The following STK3 variants were observed in gnomAD, a reference collection of about 807,000 sequenced individuals.
The protein encoded by STK3 is serine/threonine kinase 3, also known as serine/threonine-protein kinase 3.
Under a neutral mutation model 58.0 loss-of-function variants are expected in STK3, and 41 were observed. The ratio of observed to expected loss-of-function variants is 0.71; its 90% CI spans 0.55 to 0.92. The LOEUF (loss-of-function observed/expected upper bound fraction) is 0.92. STK3 is among the 40% of genes least tolerant of loss of function. The pLI is 0.00. For synonymous variants in STK3, 170 were observed against 191.0 expected, an observed-to-expected ratio of 0.89 and a Z score of 0.91; for missense variants, 479 against 602.7, an observed-to-expected ratio of 0.79 and a Z score of 2.15.
intron 6 of STK3, among the ~76,000 whole-genome samples, chr8:98,621,738 A>G (rs1053359127): frequency 6.6e-6 from 1 of 151,974 alleles, no homozygotes; most frequent in Non-Finnish European, 1.5e-5. Context: ...AGCTGTCTGT[A>G]TGTTCTTAAG....
intron 6 of STK3, among the ~76,000 whole-genome samples, chr8:98,663,544 T>C (rs1822121247): frequency 6.6e-6 from 1 of 152,158 alleles, no homozygotes; most frequent in African/African-American, 2.4e-5. Flanking sequence ...AGATTATAAA[T>C]CATGCTGCTA....
At chr8:98,435,673 G>A (rs951055540) in intron 2 of STK3, among the ~76,000 whole-genome samples, 13 of 152,106 alleles carry the variant, frequency 8.5e-5, no homozygotes, top group Admixed American at 5.9e-4. Context: ...TGGTTTCTGG[G>A]TTTCTGGCTG....
chr8:98,418,397 C>T (rs1818135894), intron 3 of STK3, among the ~76,000 whole-genome samples: 1 of 152,190 alleles, frequency 6.6e-6, no homozygotes, highest in African/African-American at 2.4e-5. Context: ...AAACCCAGAG[C>T]CAACTCAGGC....
At chr8:98,813,961 G>T (rs925074349) in intron 1 of STK3, among the ~76,000 whole-genome samples, 1 of 151,862 alleles carries the variant, frequency 6.6e-6, no homozygotes, top group African/African-American at 2.4e-5. Context: ...CACCTATAAG[G>T]CTCATACATT....
intron 6 of STK3, among the ~76,000 whole-genome samples, chr8:98,626,851 A>G (rs547765643): frequency 6.6e-6 from 1 of 152,354 alleles, no homozygotes; most frequent in African/African-American, 2.4e-5. Context: ...TTCCCAAACT[A>G]GAAACTGCAG....
intron 10 of STK3, among the ~76,000 whole-genome samples, chr8:98,477,673 G>GGC (rs1821432933): frequency 7.8e-6 from 1 of 128,514 alleles, no homozygotes; most frequent in Admixed American, 9.0e-5. Context: ...AGGTTTCAAT[G>GGC]GCTAGCCTCG....
At chr8:98,916,524 C>A (rs2131995417) in intron 1 of STK3, among the ~76,000 whole-genome samples, 1 of 152,322 alleles carries the variant, frequency 6.6e-6, no homozygotes, top group South Asian at 2.1e-4. Context: ...ATGGAACAAG[C>A]ACTGTGTCTA....
intron 3 of STK3, among the ~76,000 whole-genome samples, chr8:98,395,663 T>C (rs1681915913): frequency 1.3e-5 from 2 of 152,254 alleles, no homozygotes; most frequent in African/African-American, 4.8e-5. Flanking sequence ...TTTTTTGTTG[T>C]TGTTGGATTT....
intron 10 of STK3, among the ~76,000 whole-genome samples, chr8:98,524,018 T>A (rs904828915): frequency 6.6e-6 from 1 of 152,246 alleles, no homozygotes; most frequent in Non-Finnish European, 1.5e-5. Flanking sequence ...CCATTTTGAA[T>A]TAATTTTTGT....
In STK3 at chr8:98,682,430, C is replaced by T. The variant is rs910068040; in HGVS notation, c.684+24037G>A. 1.1e-4 allele frequency among the ~76,000 whole-genome samples: 17 copies of T among 152,110 alleles called. 1 individual carries two copies. The highest frequency in any genetic ancestry group is 5.2e-4 in the Admixed American group (8 of 15,270). On this transcript the variant is annotated intron_variant, in intron 6 of 10. Transcript: ENST00000419617. ...AGAATGTAAGAGATTCACGAGCATTCCAATTAAAATGGTGACCTTCAGTTT... is the reference window on the plus strand; with the variant it reads ...AGAATGTAAGAGATTCACGAGCATTTCAATTAAAATGGTGACCTTCAGTTT...
At chr8:98,469,770 G>C (rs1314798978) in intron 10 of STK3, among the ~76,000 whole-genome samples, 1 of 152,164 alleles carries the variant, frequency 6.6e-6, no homozygotes, top group Non-Finnish European at 1.5e-5. Flanking sequence ...AAGGAAAAAT[G>C]CATCTTTAAT....
intron 1 of STK3, among the ~76,000 whole-genome samples, chr8:98,940,822 C>A (rs896998687): frequency 6.6e-6 from 1 of 152,202 alleles, no homozygotes; most frequent in Non-Finnish European, 1.5e-5. Flanking sequence ...CCGAAAAATC[C>A]GTCTCAGAAA....
chr8:98,617,311 C>T (rs1452624794), intron 6 of STK3, among the ~76,000 whole-genome samples: 2 of 141,630 alleles, frequency 1.4e-5, no homozygotes, highest in East Asian at 4.1e-4. Flanking sequence ...GCATTCAAAG[C>T]AGTGTGTAGA....
At position 98,921,785 on chromosome 8, in the gene STK3, G is replaced by A. The variant is rs550094526; in HGVS notation, c.-79+20593C>T. 4.8e-4 allele frequency among the ~76,000 whole-genome samples: 73 copies of A among 152,122 alleles called. 1 individual carries two copies. In the South Asian group the frequency reaches 0.014, roughly 29 times the overall value. ...CGGCTCACTGCAACCCCCACCTCCC[G>A]GGTTCAAGCGATTCTCCTGCCTCAG... On this transcript the variant is annotated intron_variant, in intron 1 of 1. Coordinates refer to the STK3 transcript ENST00000519420.
intron 1 of STK3, among the ~76,000 whole-genome samples, chr8:98,808,415 T>C (rs1195343722): frequency 1.3e-5 from 2 of 152,342 alleles, no homozygotes; most frequent in South Asian, 2.1e-4. Flanking sequence ...TTTCCAACCT[T>C]GGAACAGCAG....
chr8:98,413,755 C>G (rs932141675), intron 3 of STK3: 1 of 707,604 alleles, frequency 1.4e-6, no homozygotes, highest in African/African-American at 1.7e-5. Flanking sequence ...TCATGCCTGA[C>G]CCCATGAGAG....
In STK3 at chr8:98,617,725, C is replaced by A. The variant is rs1226759536; in HGVS notation, c.685-21556G>T. ...CTAGAAAATCTAGAAGAAATGGATACATTCCTTGACACATACACTCTCCCA... is the reference window on the plus strand; with the variant it reads ...CTAGAAAATCTAGAAGAAATGGATAAATTCCTTGACACATACACTCTCCCA... On this transcript the variant is annotated intron_variant, in intron 6 of 10. Coordinates refer to ENST00000419617, the MANE Select transcript of STK3 (RefSeq NM_006281.4). Among the ~76,000 whole-genome samples the A allele has an allele frequency of 5.3e-5, 8 of 151,542 alleles. No homozygotes were observed. The South Asian group carries it at 8.4e-4, about 16-fold the overall frequency.
downstream of STK3, chr8:98,883,574 A>C (rs1837874625): frequency 1.5e-6 from 1 of 653,540 alleles, no homozygotes; most frequent in Non-Finnish European, 2.8e-6. Flanking sequence ...TAAGGACAAT[A>C]AACATCTAAA....
chr8:98,643,215 A>G (rs1820156093), intron 6 of STK3, among the ~76,000 whole-genome samples: 1 of 152,056 alleles, frequency 6.6e-6, no homozygotes, highest in Non-Finnish European at 1.5e-5. Context: ...GGCGACAGAG[A>G]GCTCAAAAAA....
Sources: gnomAD v4.1 joint callset for allele counts (sites outside exome capture counted in the v4.1 genomes callset) on GRCh38, gnomAD v4.1.1 for gene constraint, MANE v1.5 for transcripts, NCBI Gene and HGNC (gene_info 2026-07-23, HGNC 2026-07-21) for gene names.